The following CCDC91 variants were observed in gnomAD, a reference collection of about 807,000 sequenced individuals.
CCDC91 encodes coiled-coil domain-containing protein 91.
Under a neutral mutation model 63.2 loss-of-function variants are expected in CCDC91, and 48 were observed. The ratio of observed to expected loss-of-function variants is 0.76; its 90% CI spans 0.60 to 0.97. The LOEUF is 0.97. Ranked by LOEUF, CCDC91 falls within the 50% of genes least tolerant of loss-of-function variation. The pLI is 0.00. For synonymous variants in CCDC91, 167 were observed against 165.8 expected (o/e 1.01, Z -0.06); for missense variants, 500 against 494.6 (o/e 1.01, Z -0.10).
intron 7 of CCDC91, among the ~76,000 whole-genome samples, chr12:28,378,770 C>T (rs749408167): frequency 6.6e-6 from 1 of 151,956 alleles, no homozygotes; most frequent in African/African-American, 2.4e-5. Context: ...AGAGTTTGGC[C>T]CACTAGCATG....
At chr12:28,289,855 C>G (rs1252886018) in intron 3 of CCDC91, among the ~76,000 whole-genome samples, 2 of 151,776 alleles carry the variant, frequency 1.3e-5, no homozygotes, top group African/African-American at 4.8e-5. Context: ...CCACGCCTGG[C>G]TAATTTTTTG....
At chr12:28,441,695 ATATCTC>A (rs1949225981) in intron 8 of CCDC91, among the ~76,000 whole-genome samples, 2 of 140,708 alleles carry the variant, frequency 1.4e-5, no homozygotes, top group African/African-American at 5.3e-5. Flanking sequence ...GTGTATATAT[ATATCTC>A]TCTCATATAT....
intron 8 of CCDC91, among the ~76,000 whole-genome samples, chr12:28,422,352 A>G (rs1308887015): frequency 2.0e-5 from 3 of 152,082 alleles, no homozygotes; most frequent in Admixed American, 2.0e-4. Context: ...TTATCAAAAT[A>G]TAAATTTTAT....
chr12:28,518,910 G>A (rs1210164005), intron 12 of CCDC91, among the ~76,000 whole-genome samples: 1 of 151,918 alleles, frequency 6.6e-6, no homozygotes, highest in Admixed American at 6.6e-5. Flanking sequence ...TGAATAGGGC[G>A]TCTTTTCCCC....
intron 1 of CCDC91, among the ~76,000 whole-genome samples, chr12:28,222,613 C>G (rs1342833901): frequency 6.6e-6 from 1 of 152,038 alleles, no homozygotes; most frequent in African/African-American, 2.4e-5. Context: ...AGTTGTTTTA[C>G]CATAGAATGA....
intron 11 of CCDC91, among the ~76,000 whole-genome samples, chr12:28,481,839 A>G (rs987105320): frequency 6.6e-6 from 1 of 151,998 alleles, no homozygotes; most frequent in Non-Finnish European, 1.5e-5. Flanking sequence ...TAGAGCCTCA[A>G]AAATTTCAAC....
chr12:28,263,286 T>A (rs1325219202), intron 3 of CCDC91, among the ~76,000 whole-genome samples: 3 of 152,028 alleles, frequency 2.0e-5, no homozygotes, highest in Admixed American at 2.0e-4. Context: ...ATCTTAACTA[T>A]TTTTAAGTGT....
At chr12:28,193,591 C>T (rs536192952) in intron 1 of CCDC91, among the ~76,000 whole-genome samples, 18 of 146,074 alleles carry the variant, frequency 1.2e-4, no homozygotes, top group Non-Finnish European at 2.4e-4. Flanking sequence ...CAGAGTGAAA[C>T]TCCGTCTCAA....
At chr12:28,298,917 G>GT (rs1565756028) in intron 3 of CCDC91, among the ~76,000 whole-genome samples, 1 of 151,254 alleles carries the variant, frequency 6.6e-6, no homozygotes. Flanking sequence ...TATATCTGTA[G>GT]TTTCTTTATT....
intron 7 of CCDC91, among the ~76,000 whole-genome samples, chr12:28,387,254 G>A (rs982044879): frequency 5.3e-5 from 8 of 152,128 alleles, no homozygotes; most frequent in Admixed American, 5.2e-4. Flanking sequence ...ATCACACAAT[G>A]TTGAGCCATA....
At chr12:28,253,626 C>T (rs905942465) in intron 1 of CCDC91, among the ~76,000 whole-genome samples, 2 of 152,062 alleles carry the variant, frequency 1.3e-5, no homozygotes, top group African/African-American at 4.8e-5. Flanking sequence ...ACTCATTTTC[C>T]TTGTATTTGC....
intron 12 of CCDC91, among the ~76,000 whole-genome samples, chr12:28,521,299 G>GTTGGA (rs1431979791): frequency 9.2e-5 from 14 of 152,056 alleles, no homozygotes; most frequent in African/African-American, 3.1e-4. Flanking sequence ...TCCCTTGTAA[G>GTTGGA]TTGGATTCCT....
At chr12:28,397,540 A>C (rs1034452684) in intron 8 of CCDC91, among the ~76,000 whole-genome samples, 8 of 152,188 alleles carry the variant, frequency 5.3e-5, no homozygotes, top group African/African-American at 1.7e-4. Context: ...AGAAGGAAGC[A>C]ATGAGTGGAG....
intron 1 of CCDC91, among the ~76,000 whole-genome samples, chr12:28,244,494 CTTTTTTTTTTTT>C (rs3064681): frequency 2.6e-4 from 10 of 38,406 alleles, no homozygotes; most frequent in Admixed American, 1.2e-3. Flanking sequence ...TAGAAGAAGG[CTTTTTTTTTTTT>C]TTTTTTTTTT....
intron 12 of CCDC91, among the ~76,000 whole-genome samples, chr12:28,528,848 T>G (rs1941500852): frequency 6.6e-6 from 1 of 152,150 alleles, no homozygotes; most frequent in Non-Finnish European, 1.5e-5. Context: ...ATAAACAACT[T>G]AAATGTCTAT....
chr12:28,394,794 C>G (rs1946189834), intron 8 of CCDC91, among the ~76,000 whole-genome samples: 1 of 150,234 alleles, frequency 6.7e-6, no homozygotes, highest in South Asian at 2.1e-4. Flanking sequence ...AGCCTGCACT[C>G]TAGAGTCAGA....
intron 12 of CCDC91, among the ~76,000 whole-genome samples, chr12:28,524,093 C>T (rs1355185295): frequency 6.6e-6 from 1 of 152,022 alleles, no homozygotes; most frequent in Non-Finnish European, 1.5e-5. Flanking sequence ...ATCAGACTAA[C>T]AGTGGATCTC....
Position 28,545,879 on chromosome 12 carries a change from A to C in CCDC91, c.1216-3184A>C, listed in dbSNP as rs115273146. Among the ~76,000 whole-genome samples, 698 of 152,250 alleles carry C rather than the reference A, an allele frequency of 4.6e-3. 8 individuals are homozygous for C. The highest frequency in any genetic ancestry group is 0.014 in the African/African-American group (588 of 41,576). On this transcript the variant is annotated intron_variant, in intron 12 of 12. Transcript: ENST00000536442. ...GCAACAGAGGTTGAATGCTTGTTAC[A>C]CATTGTGAAATTGTACTATATTCCC...
Position 28,351,063 on chromosome 12 carries a change from A to G in CCDC91, c.577-11375A>G, listed in dbSNP as rs543588240. Among the ~76,000 whole-genome samples, 3 of 152,292 alleles carry G rather than the reference A, an allele frequency of 2.0e-5. No individual in the cohort carries two copies. In the South Asian group the frequency reaches 6.2e-4, roughly 32 times the overall value. On this transcript the variant is annotated intron_variant, in intron 6 of 12. Transcript: ENST00000536442. ...CAAAATTCCTGTCCCTCACTGTGCA[A>G]AATACATTGACTGAGTCCTAATGTT...
Sources: gnomAD v4.1 joint callset for allele counts (sites outside exome capture counted in the v4.1 genomes callset) on GRCh38, gnomAD v4.1.1 for gene constraint, MANE v1.5 for transcripts, NCBI Gene and HGNC (gene_info 2026-07-23, HGNC 2026-07-21) for gene names.